DLGAP1: variants seen among roughly 807,000 people sequenced by gnomAD.
The protein encoded by DLGAP1 is DLG associated protein 1.
DLGAP1 carries 11 observed loss-of-function variants against 90.8 expected under a neutral mutation model. The observed-to-expected ratio is 0.12, with a 90% CI of 0.08 to 0.20. DLGAP1 has a LOEUF of 0.20. Among genes scored for constraint, DLGAP1 ranks in the 10% least tolerant of loss-of-function variants. The pLI, the probability that DLGAP1 is intolerant of heterozygous loss-of-function variation, is 1.00. For synonymous variants in DLGAP1, 558 were observed against 540.7 expected (o/e 1.03, Z -0.44); for missense variants, 1,050 against 1,333.8 (o/e 0.79, Z 3.31).
At chr18:3,564,230 C>T (rs961593685) in intron 9 of DLGAP1, among the ~76,000 whole-genome samples, 2 of 152,202 alleles carry the variant, frequency 1.3e-5, no homozygotes, top group Non-Finnish European at 2.9e-5. Context: ...AAGTGCTCTA[C>T]AGTTCTATGA....
At chr18:4,389,820 T>C (rs2082304965) in intron 1 of DLGAP1, among the ~76,000 whole-genome samples, 1 of 152,226 alleles carries the variant, frequency 6.6e-6, no homozygotes. Context: ...TGGCACACAA[T>C]GACGTCTATT....
At chr18:4,432,826 A>C (rs1453322897) in intron 1 of DLGAP1, among the ~76,000 whole-genome samples, 1 of 152,166 alleles carries the variant, frequency 6.6e-6, no homozygotes, top group East Asian at 1.9e-4. Context: ...ATAAAGATCT[A>C]AGCCTTCTTC....
In DLGAP1 at chr18:4,202,658, G is replaced by T. The variant is rs116183162; in HGVS notation, c.-266-51371C>A. Among the ~76,000 whole-genome samples the T allele has an allele frequency of 1.2e-3, 175 of 152,112 alleles. 1 individual carries two copies. The highest frequency in any genetic ancestry group is 4.1e-3 in the African/African-American group (171 of 41,504). On this transcript the variant is annotated intron_variant, in intron 1 of 12. Transcript: ENST00000315677. ...TACTTGATATTAATGAAAAGTAAAA[G>T]ATGCAACATTACACTAATGTCAGCA...
At chr18:4,030,922 C>CAAAACA (rs1258631812) in intron 2 of DLGAP1, among the ~76,000 whole-genome samples, 1 of 151,854 alleles carries the variant, frequency 6.6e-6, no homozygotes, top group Non-Finnish European at 1.5e-5. Context: ...GACACAGTCT[C>CAAAACA]AAAACAAAAA....
At chr18:3,745,706 TTGAGATGGAG>T (rs2063238991) in intron 5 of DLGAP1, among the ~76,000 whole-genome samples, 1 of 152,200 alleles carries the variant, frequency 6.6e-6, no homozygotes, top group South Asian at 2.1e-4. Flanking sequence ...ATTTATTTTT[TTGAGATGGAG>T]TCTTGCTTTA....
intron 1 of DLGAP1, among the ~76,000 whole-genome samples, chr18:4,180,358 A>G (rs1377348361): frequency 6.6e-6 from 1 of 152,154 alleles, no homozygotes; most frequent in African/African-American, 2.4e-5. Flanking sequence ...ACTCAGTCCC[A>G]AACAAAATGG....
At chr18:4,294,303 C>T (rs1053911622) in intron 1 of DLGAP1, 8 of 152,278 alleles carry the variant, frequency 5.3e-5, no homozygotes, top group South Asian at 2.1e-4. Flanking sequence ...CTTCTGGATA[C>T]AACCCCAATG....
chr18:4,322,087 C>G (rs1288517133), intron 1 of DLGAP1, among the ~76,000 whole-genome samples: 2 of 151,986 alleles, frequency 1.3e-5, no homozygotes, highest in African/African-American at 4.8e-5. Context: ...GTAATCCCAG[C>G]TACATGGGAG....
intron 2 of DLGAP1, among the ~76,000 whole-genome samples, chr18:4,082,378 G>C (rs1022703399): frequency 6.7e-6 from 1 of 149,546 alleles, no homozygotes; most frequent in Non-Finnish European, 1.5e-5. Context: ...AGACATGGTG[G>C]CGCACACCTG....
chr18:4,263,461 A>G (rs975121913), intron 1 of DLGAP1, among the ~76,000 whole-genome samples: 8 of 152,220 alleles, frequency 5.3e-5, no homozygotes, highest in Non-Finnish European at 1.0e-4. Context: ...ATTTTTAAGT[A>G]AATATTAAAT....
chr18:4,073,244 C>T (rs1390094076), intron 2 of DLGAP1, among the ~76,000 whole-genome samples: 1 of 152,192 alleles, frequency 6.6e-6, no homozygotes, highest in Non-Finnish European at 1.5e-5. Context: ...GCTCTTAACT[C>T]ATAACCAATT....
At chr18:4,178,254 C>CAT (rs1437956515) in intron 1 of DLGAP1, among the ~76,000 whole-genome samples, 1 of 129,752 alleles carries the variant, frequency 7.7e-6, no homozygotes, top group African/African-American at 3.0e-5. Flanking sequence ...CACACACACA[C>CAT]ATTAGAGATA....
chr18:3,549,582 C>T (rs1169053594), intron 9 of DLGAP1, among the ~76,000 whole-genome samples: 1 of 152,192 alleles, frequency 6.6e-6, no homozygotes, highest in Non-Finnish European at 1.5e-5. Context: ...CCACCCGCCT[C>T]GGCCTCCCAA....
intron 1 of DLGAP1, among the ~76,000 whole-genome samples, chr18:4,327,872 T>A (rs746643459): frequency 6.6e-6 from 1 of 151,992 alleles, no homozygotes; most frequent in Non-Finnish European, 1.5e-5. Flanking sequence ...GGAATCAGTA[T>A]ATACCATGCC....
At position 4,100,759 on chromosome 18, in the gene DLGAP1, T is replaced by C. The variant is rs577443179; in HGVS notation, c.-159+50421A>G. The stretch of plus-strand genomic sequence containing the variant: ...CTTCTGGATAACTTGTTGCAGCTTC[T>C]CCATCACCACTTGCTGCTTCACTTT... On this transcript the variant is annotated intron_variant, in intron 2 of 12. Coordinates refer to ENST00000315677, the MANE Select transcript of DLGAP1 (RefSeq NM_004746.4). 1.6e-3 allele frequency among the ~76,000 whole-genome samples: 248 copies of C among 152,356 alleles called. 1 individual carries two copies. The highest frequency in any genetic ancestry group is 2.0e-3 in the Admixed American group (31 of 15,310).
chr18:3,594,288 A>C (rs1322710337), intron 7 of DLGAP1: 1 of 152,164 alleles, frequency 6.6e-6, no homozygotes, highest in East Asian at 1.9e-4. Flanking sequence ...GCACAATCTC[A>C]GGGAACAAAT....
At chr18:4,209,964 T>C (rs2077808132) in intron 1 of DLGAP1, among the ~76,000 whole-genome samples, 1 of 152,212 alleles carries the variant, frequency 6.6e-6, no homozygotes. Context: ...AATACTTCTC[T>C]TCCTGAGCCA....
chr18:3,945,648 T>C (rs945996355), intron 3 of DLGAP1, among the ~76,000 whole-genome samples: 2 of 152,288 alleles, frequency 1.3e-5, no homozygotes, highest in East Asian at 3.9e-4. Context: ...TTTTTAAGAG[T>C]TAATATGCTC....
At chr18:3,574,141 T>C (rs1376928335) in intron 8 of DLGAP1, among the ~76,000 whole-genome samples, 1 of 152,240 alleles carries the variant, frequency 6.6e-6, no homozygotes, top group Non-Finnish European at 1.5e-5. Context: ...CATATACTAT[T>C]CTCATTCCTA....
Sources: gnomAD v4.1 joint callset for allele counts (sites outside exome capture counted in the v4.1 genomes callset) on GRCh38, gnomAD v4.1.1 for gene constraint, MANE v1.5 for transcripts, NCBI Gene and HGNC (gene_info 2026-07-23, HGNC 2026-07-21) for gene names.